Variants in ADAMTS19 observed in about 807,000 individuals in gnomAD.
ADAMTS19 encodes the protein ADAM metallopeptidase with thrombospondin type 1 motif 19, also known as A disintegrin and metalloproteinase with thrombospondin motifs 19.
In ADAMTS19, 93 loss-of-function variants were observed where a neutral mutation model predicts 153.3. The ratio of observed to expected loss-of-function variants is 0.61; its 90% CI spans 0.51 to 0.72. The LOEUF is 0.72. Among genes scored for constraint, ADAMTS19 ranks in the 30% least tolerant of loss-of-function variants. The pLI is 0.00. For synonymous variants in ADAMTS19, 600 were observed against 556.6 expected, an observed-to-expected ratio of 1.08 and a Z score of -1.10; for missense variants, 1,482 against 1,552.1, an observed-to-expected ratio of 0.95 and a Z score of 0.76.
chr5:129,528,152 C>T (rs962283489), intron 5 of ADAMTS19, among the ~76,000 whole-genome samples: 1 of 151,988 alleles, frequency 6.6e-6, no homozygotes, highest in Admixed American at 6.6e-5. Context: ...TAAATGGGAA[C>T]TATTCTGTGA....
chr5:129,664,973 TTC>T (rs1561636436), intron 15 of ADAMTS19, among the ~76,000 whole-genome samples: 1 of 152,170 alleles, frequency 6.6e-6, no homozygotes, highest in East Asian at 1.9e-4. Flanking sequence ...ACCTTACACT[TTC>T]TGTCTCCGGC....
At position 129,498,517 on chromosome 5, in the gene ADAMTS19, T is replaced by C. The variant is rs373120783; in HGVS notation, c.748-10560T>C. On this transcript the variant is annotated intron_variant, in intron 2 of 22. Coordinates refer to ENST00000274487, the MANE Select transcript of ADAMTS19 (RefSeq NM_133638.6). ...TCTTTATTTGTTACTTTTTGAAATA[T>C]GTTTTGCTGTGACATATACACATGG... 2.6e-5 allele frequency among the ~76,000 whole-genome samples: 4 copies of C among 152,208 alleles called. No individual in the cohort carries two copies. In the East Asian group the frequency reaches 5.8e-4, roughly 22 times the overall value.
chr5:129,516,497 T>A (rs1394784320), intron 3 of ADAMTS19, among the ~76,000 whole-genome samples: 1 of 151,748 alleles, frequency 6.6e-6, no homozygotes, highest in Non-Finnish European at 1.5e-5. Flanking sequence ...CTGTTCAGAT[T>A]TTTGATTTCT....
intron 8 of ADAMTS19, among the ~76,000 whole-genome samples, chr5:129,599,544 T>C (rs1750544766): frequency 6.6e-6 from 1 of 152,184 alleles, no homozygotes; most frequent in African/African-American, 2.4e-5. Context: ...AAACCAGATA[T>C]GCAAAATTGA....
intron 3 of ADAMTS19, among the ~76,000 whole-genome samples, chr5:129,512,813 TTTACATTTC>T (rs1432018180): frequency 2.0e-5 from 3 of 152,048 alleles, no homozygotes; most frequent in Non-Finnish European, 4.4e-5. Flanking sequence ...CTATCCTCCT[TTTACATTTC>T]TTACATCTCC....
rs377008786 is a variant in ADAMTS19, at chr5:129,608,116, G to GTGTATATATATATATA, written c.1478+11453_1478+11454insGTATATATATATATAT. 5.6e-3 allele frequency among the ~76,000 whole-genome samples: 266 copies of GTGTATATATATATATA among 47,900 alleles called. 17 individuals carry two copies. The highest frequency in any genetic ancestry group is 9.0e-3 in the Non-Finnish European group (180 of 20,108). The allele number at this position is 47,900 out of a possible 152,430, so 31.4% of individuals were successfully genotyped here. A position where few individuals can be genotyped will look rare whatever the true frequency, so the allele number is the denominator to read the frequency against. On this transcript the variant is annotated intron_variant, in intron 8 of 22. Transcript: ENST00000274487. The stretch of plus-strand genomic sequence containing the variant: ...TGTGTGTGTGTGTGTGTGTGTGTGT[G>GTGTATATATATATATA]TATATATATATATATATATATATAA...
intron 21 of ADAMTS19, among the ~76,000 whole-genome samples, chr5:129,725,767 T>G (rs1479884274): frequency 6.6e-6 from 1 of 152,010 alleles, no homozygotes; most frequent in Non-Finnish European, 1.5e-5. Flanking sequence ...CTACCACCCA[T>G]TCATGGCCTA....
At chr5:129,470,808 G>A (rs566723762) in intron 2 of ADAMTS19, among the ~76,000 whole-genome samples, 2 of 152,228 alleles carry the variant, frequency 1.3e-5, no homozygotes, top group South Asian at 4.1e-4. Flanking sequence ...GCCAGTTTGG[G>A]CATTACCAAA....
At chr5:129,737,023 T>C (rs1407720600) in intron 22 of ADAMTS19, 44 bp from the exon 23 acceptor site, 3 of 1,499,624 alleles carry the variant, frequency 2.0e-6, no homozygotes, top group Non-Finnish European at 2.7e-6. Context: ...TACTGACATA[T>C]ATGATATCTG....
intron 19 of ADAMTS19, among the ~76,000 whole-genome samples, chr5:129,698,502 A>G (rs1755672471): frequency 6.6e-6 from 1 of 152,200 alleles, no homozygotes; most frequent in Non-Finnish European, 1.5e-5. Context: ...TCTTAAAGAT[A>G]AGGAAATGGG....
At chr5:129,629,332 T>G (rs1448143053) in intron 10 of ADAMTS19, among the ~76,000 whole-genome samples, 2 of 152,094 alleles carry the variant, frequency 1.3e-5, no homozygotes, top group Non-Finnish European at 2.9e-5. Flanking sequence ...CATAATTCAA[T>G]TAGGCATCCT....
In ADAMTS19 at chr5:129,735,120, A is replaced by G. The variant is rs780129126; in HGVS notation, c.3490+11A>G. On this transcript the variant is annotated intron_variant, in intron 22 of 22. Coordinates refer to ENST00000274487, the MANE Select transcript of ADAMTS19 (RefSeq NM_133638.6). ...CATCACCCAGACTGGGTAAGCAGAC[A>G]AAAAAAAAAGATGCTTTTGAAAAAC... 5 of 1,206,008 alleles carry G rather than the reference A, an allele frequency of 4.1e-6. No individual in the cohort carries two copies. The highest frequency in any genetic ancestry group is 5.5e-6 in the Non-Finnish European group (5 of 901,774). 74.7% of individuals were successfully genotyped at this position (1,206,008 alleles called of 1,614,324 possible). A position where few individuals can be genotyped will look rare whatever the true frequency, so the allele number is the denominator to read the frequency against.
chr5:129,505,795 TA>T (rs1263101709), intron 2 of ADAMTS19, among the ~76,000 whole-genome samples: 1 of 152,054 alleles, frequency 6.6e-6, no homozygotes. Context: ...AAGATAGAAA[TA>T]AATTAGAAAA....
Position 129,461,091 on chromosome 5 carries a change from C to A in ADAMTS19, c.92-11C>A. ...CTTTAAGCCCCGCACTTCTGTCTGCCCCGCCCGCAGAGCTGCAGTTCGCCC... is the reference window on the plus strand; with the variant it reads ...CTTTAAGCCCCGCACTTCTGTCTGCACCGCCCGCAGAGCTGCAGTTCGCCC... On this transcript the variant is annotated splice_polypyrimidine_tract_variant and intron_variant, in intron 1 of 22. Coordinates refer to ENST00000274487, the MANE Select transcript of ADAMTS19 (RefSeq NM_133638.6). The surrounding 1 kb of genome is among the most constrained non-coding windows in gnomAD (Gnocchi z 4.6). 7.2e-7 allele frequency: 1 copy of A among 1,386,966 alleles called. No individual in the cohort carries two copies. The highest frequency in any genetic ancestry group is 1.6e-5 in the South Asian group (1 of 60,966). The allele number at this position is 1,386,966 out of a possible 1,614,324, so 85.9% of individuals were successfully genotyped here. A position where few individuals can be genotyped will look rare whatever the true frequency, so the allele number is the denominator to read the frequency against.
In ADAMTS19 at chr5:129,652,994, C is replaced by T. The variant is rs141389439; in HGVS notation, c.2177-1312C>T. ...TAAAGGAAAATTTCAAAACCATGCA[C>T]ATTAAAGGCCATGTTCCAACTCCCC... On this transcript the variant is annotated intron_variant, in intron 13 of 22. Transcript: ENST00000274487. Among the ~76,000 whole-genome samples the T allele has an allele frequency of 2.6e-5, 4 of 152,276 alleles. No individual in the cohort carries two copies. The East Asian group carries it at 7.7e-4, about 29-fold the overall frequency.
chr5:129,512,201 C>T (rs958878564), intron 3 of ADAMTS19, among the ~76,000 whole-genome samples: 2 of 152,004 alleles, frequency 1.3e-5, no homozygotes, highest in Non-Finnish European at 2.9e-5. Flanking sequence ...GAGCTGAAGA[C>T]AAAGGTTTAG....
At chr5:129,594,431 G>T (rs1016315419) in intron 7 of ADAMTS19, among the ~76,000 whole-genome samples, 2 of 152,094 alleles carry the variant, frequency 1.3e-5, no homozygotes, top group Non-Finnish European at 2.9e-5. Flanking sequence ...GAGAAAATTT[G>T]TACCAATCAA....
rs549760568 is a variant in ADAMTS19, at chr5:129,496,250, C to T, written c.748-12827C>T. ...ATTTTGCTGATGGTGCAAGTGGTAA[C>T]GAGGACATGAAATCCATAATAAGTA... On this transcript the variant is annotated intron_variant, in intron 2 of 22. Transcript: ENST00000274487. Among the ~76,000 whole-genome samples, 52 of 152,072 alleles carry T rather than the reference C, an allele frequency of 3.4e-4. 1 individual carries two copies. Among genetic ancestry groups the T allele is most frequent in the Admixed American group, 2.0e-3 (31 of 15,238 alleles).
At chr5:129,477,459 T>C (rs932248938) in intron 2 of ADAMTS19, among the ~76,000 whole-genome samples, 14 of 152,164 alleles carry the variant, frequency 9.2e-5, no homozygotes, top group African/African-American at 2.9e-4. Context: ...AGGAGGTTAG[T>C]GGGCGGAAAG....
Sources: gnomAD v4.1 joint callset for allele counts (sites outside exome capture counted in the v4.1 genomes callset) on GRCh38, gnomAD v4.1.1 for gene constraint, Gnocchi (gnomAD v3.1) non-coding constraint, MANE v1.5 for transcripts, NCBI Gene and HGNC (gene_info 2026-07-23, HGNC 2026-07-21) for gene names.